CSMD2: variants seen among roughly 807,000 people sequenced by gnomAD.
CSMD2 encodes CUB and Sushi multiple domains 2.
A neutral mutation model predicts 398.5 loss-of-function variants in CSMD2; 130 were observed. That is an observed-to-expected ratio of 0.33 (90% CI 0.28 to 0.38). The LOEUF is 0.38. Ranked by LOEUF, CSMD2 falls within the 10% of genes least tolerant of loss-of-function variation. The probability of loss-of-function intolerance (pLI) is 1.00; values close to 1 mark genes in which losing one functional copy is unlikely to be tolerated. For missense variants in CSMD2, 3,829 were observed against 4,764.9 expected, an observed-to-expected ratio of 0.80 and a Z score of 5.78; for synonymous variants, 1,828 against 1,908.5, an observed-to-expected ratio of 0.96 and a Z score of 1.10.
intron 3 of CSMD2, among the ~76,000 whole-genome samples, chr1:33,970,991 G>T (rs1469274068): frequency 6.6e-6 from 1 of 152,162 alleles, no homozygotes; most frequent in Non-Finnish European, 1.5e-5. Flanking sequence ...ATTAATTGGG[G>T]TAATGCATAT....
intron 53 of CSMD2, among the ~76,000 whole-genome samples, chr1:33,562,483 G>C (rs1658662829): frequency 1.3e-5 from 2 of 152,202 alleles, no homozygotes; most frequent in African/African-American, 4.8e-5. Context: ...GACTGGGATG[G>C]AAGTTCTTTC....
Position 33,515,005 on chromosome 1 carries a change from C to A in CSMD2, c.*1619G>T, listed in dbSNP as rs564357510. The A allele has an allele frequency of 1.3e-5, 2 of 152,174 alleles. No homozygotes were observed. Among genetic ancestry groups the A allele is most frequent in the Admixed American group, 1.3e-4 (2 of 15,274 alleles). The allele number at this position is 152,174 out of a possible 1,614,324, so 9.4% of individuals were successfully genotyped here. A position where few individuals can be genotyped will look rare whatever the true frequency, so the allele number is the denominator to read the frequency against. On this transcript the variant is annotated 3_prime_UTR_variant, in exon 71 of 71. Coordinates refer to ENST00000373381, the MANE Select transcript of CSMD2 (RefSeq NM_001281956.2). ...AATATGTGACATGAATCTCTGAGGC[C>A]AGCATGTCACACGTATACAGGGGCT...
At chr1:33,807,792 T>C (rs1163719496) in intron 10 of CSMD2, among the ~76,000 whole-genome samples, 1 of 152,134 alleles carries the variant, frequency 6.6e-6, no homozygotes, top group Non-Finnish European at 1.5e-5. Context: ...TTTCAAAGAA[T>C]AGAAATGATT....
chr1:33,934,409 G>T (rs1168573306), intron 4 of CSMD2, among the ~76,000 whole-genome samples: 2 of 152,238 alleles, frequency 1.3e-5, no homozygotes, highest in African/African-American at 4.8e-5. Context: ...AGGCCAGTCT[G>T]CAGAGGAGTA....
At chr1:33,725,580 T>C in intron 16 of CSMD2, 44 bp from the exon 17 acceptor site, 2 of 1,591,690 alleles carry the variant, frequency 1.3e-6, no homozygotes, top group Non-Finnish European at 1.7e-6. Context: ...AATCCAAGCT[T>C]ATTAATTTGC....
intron 5 of CSMD2, among the ~76,000 whole-genome samples, chr1:33,855,685 G>C (rs904506410): frequency 6.6e-6 from 1 of 152,168 alleles, no homozygotes; most frequent in African/African-American, 2.4e-5. Context: ...TGTCAGATCT[G>C]AGATCCGGGA....
intron 55 of CSMD2, among the ~76,000 whole-genome samples, chr1:33,552,199 A>G (rs1338396865): frequency 6.6e-6 from 1 of 152,280 alleles, no homozygotes; most frequent in Non-Finnish European, 1.5e-5. Flanking sequence ...GTAAACTACA[A>G]TGAGATAGCA....
At chr1:34,094,537 A>G (rs1357759146) in intron 1 of CSMD2, among the ~76,000 whole-genome samples, 1 of 152,172 alleles carries the variant, frequency 6.6e-6, no homozygotes. Flanking sequence ...AGACACACAT[A>G]GGCTCAAAAT....
At chr1:33,525,131 C>T in intron 65 of CSMD2, 88 bp from the exon 66 acceptor site, 1 of 1,394,438 alleles carries the variant, frequency 7.2e-7, no homozygotes, top group Non-Finnish European at 1.0e-6. Context: ...AGCCCACTCA[C>T]TGGGATTGTT....
chr1:33,805,865 A>C (rs548504813), intron 10 of CSMD2, among the ~76,000 whole-genome samples: 1 of 152,132 alleles, frequency 6.6e-6, no homozygotes, highest in South Asian at 2.1e-4. Flanking sequence ...GTGAGAAAAT[A>C]AATGTCTGTT....
At chr1:34,111,994 CTCTCTCTCTCTCTCTCTCTCTCTCTT>C (rs1661133041) in intron 1 of CSMD2, among the ~76,000 whole-genome samples, 2 of 5,314 alleles carry the variant, frequency 3.8e-4, no homozygotes, top group South Asian at 0.077. Context: ...CTCTCTCTCT[CTCTCTCTCTCTCTCTCTCTCTCTCTT>C]TCTCTCTCTT....
chr1:33,578,793 TTACAGCCACCCCTGG>T (rs1431406947), intron 48 of CSMD2, among the ~76,000 whole-genome samples: 1 of 152,124 alleles, frequency 6.6e-6, no homozygotes, highest in Non-Finnish European at 1.5e-5. Flanking sequence ...TGTGGGGCCC[TTACAGCCACCCCTGG>T]TGAGGTCCCC....
intron 3 of CSMD2, among the ~76,000 whole-genome samples, chr1:33,960,094 G>T (rs946178022): frequency 8.5e-5 from 13 of 152,146 alleles, no homozygotes; most frequent in African/African-American, 9.7e-5. Flanking sequence ...ACCCTACCCT[G>T]CTCCTGCCCC....
chr1:33,915,266 T>TAC (rs1643665178), intron 5 of CSMD2, among the ~76,000 whole-genome samples: 1 of 152,218 alleles, frequency 6.6e-6, no homozygotes, highest in Non-Finnish European at 1.5e-5. Context: ...AAAAGCAGTA[T>TAC]ACTCATAAAC....
At chr1:34,093,348 C>A (rs1403984312) in intron 1 of CSMD2, among the ~76,000 whole-genome samples, 1 of 152,052 alleles carries the variant, frequency 6.6e-6, no homozygotes, top group Non-Finnish European at 1.5e-5. Flanking sequence ...AAAAGCAGAG[C>A]GCCTCTCCTC....
chr1:33,709,738 C>G (rs985293343), intron 21 of CSMD2, among the ~76,000 whole-genome samples: 1 of 152,116 alleles, frequency 6.6e-6, no homozygotes, highest in Admixed American at 6.5e-5. Context: ...ATGTGCAAAA[C>G]AGCACGATTG....
At chr1:34,050,181 G>A (rs1399885776) in intron 2 of CSMD2, among the ~76,000 whole-genome samples, 1 of 152,184 alleles carries the variant, frequency 6.6e-6, no homozygotes, top group Non-Finnish European at 1.5e-5. Flanking sequence ...CCAGAAGTGG[G>A]GTTCCCAAAA....
chr1:33,677,551 G>A (rs774261347), intron 25 of CSMD2, among the ~76,000 whole-genome samples: 3 of 152,096 alleles, frequency 2.0e-5, no homozygotes, highest in African/African-American at 4.8e-5. Context: ...TCAGTGTGGC[G>A]ATTCCTCAGG....
chr1:34,094,669 T>C (rs1381035749), intron 1 of CSMD2, among the ~76,000 whole-genome samples: 6 of 152,170 alleles, frequency 3.9e-5, no homozygotes, highest in Non-Finnish European at 8.8e-5. Flanking sequence ...AGAAGGCCAT[T>C]ACATGATGGT....
Sources: gnomAD v4.1 joint callset for allele counts (sites outside exome capture counted in the v4.1 genomes callset) on GRCh38, gnomAD v4.1.1 for gene constraint, MANE v1.5 for transcripts, NCBI Gene and HGNC (gene_info 2026-07-23, HGNC 2026-07-21) for gene names.